ABCA10: variants seen among roughly 807,000 people sequenced by gnomAD.
ABCA10 encodes ATP binding cassette subfamily A member 10, also known as ATP-binding cassette sub-family A member 10.
In ABCA10, 169 loss-of-function variants were observed where a neutral mutation model predicts 187.5. The ratio of observed to expected loss-of-function variants is 0.90; its 90% CI spans 0.80 to 1.02. The LOEUF (loss-of-function observed/expected upper bound fraction) is 1.02. ABCA10 is among the 50% of genes least tolerant of loss of function. The pLI is 0.00. For missense variants in ABCA10, 1,727 were observed against 1,812.4 expected (o/e 0.95, Z 0.86); for synonymous variants, 574 against 601.8 (o/e 0.95, Z 0.68).
chr17:69,178,128 T>C (rs1188922984), intron 22 of ABCA10, among the ~76,000 whole-genome samples: 1 of 150,984 alleles, frequency 6.6e-6, no homozygotes, highest in Non-Finnish European at 1.5e-5. Context: ...CAGGAAGCAA[T>C]ATCAGGCAAG....
At chr17:69,150,111 T>C in intron 36 of ABCA10, 48 bp from the exon 37 acceptor site, 3 of 1,400,018 alleles carry the variant, frequency 2.1e-6, no homozygotes, top group South Asian at 1.2e-5. Flanking sequence ...AGTGTGATAA[T>C]ACGGGGGAGG....
chr17:69,217,772 T>C (rs2074717256), intron 6 of ABCA10, among the ~76,000 whole-genome samples: 1 of 152,190 alleles, frequency 6.6e-6, no homozygotes, highest in South Asian at 2.1e-4. Flanking sequence ...GATACTTGCA[T>C]TTGGCAATGG....
intron 23 of ABCA10, among the ~76,000 whole-genome samples, 179 bp downstream of exon 23, chr17:69,175,227 T>C (rs545251975): frequency 9.9e-5 from 15 of 152,276 alleles, no homozygotes; most frequent in Non-Finnish European, 2.1e-4. Flanking sequence ...TGCTAAATGG[T>C]AAACTTTCTG....
At chr17:69,221,081 G>A (rs1208970790) in intron 5 of ABCA10, among the ~76,000 whole-genome samples, 1 of 152,168 alleles carries the variant, frequency 6.6e-6, no homozygotes, top group African/African-American at 2.4e-5. Context: ...ATAGAACTTT[G>A]TGGAACTACA....
intron 10 of ABCA10, among the ~76,000 whole-genome samples, chr17:69,201,274 T>C (rs1195112524): frequency 3.3e-5 from 5 of 152,124 alleles, no homozygotes; most frequent in East Asian, 1.9e-4. Context: ...GATGATAATA[T>C]GGAAGACAGA....
intron 38 of ABCA10, 24 bp downstream of exon 38, chr17:69,149,009 C>T (rs2074108545): frequency 1.2e-6 from 2 of 1,613,666 alleles, no homozygotes; most frequent in Admixed American, 1.7e-5. Flanking sequence ...CTGGATGGTG[C>T]TCACTCGTTC....
intron 9 of ABCA10, among the ~76,000 whole-genome samples, chr17:69,211,350 TATATATATATAC>T (rs1342895096): frequency 1.3e-3 from 31 of 24,292 alleles, no homozygotes; most frequent in African/African-American, 2.6e-3. Context: ...TATATATATA[TATATATATATAC>T]ACACACACCA....
At position 69,149,014 on chromosome 17, in the gene ABCA10, T is replaced by A; in HGVS notation, c.4533+19A>T. ...CAGAGGTCATCTGGATGGTGCTCAC[T>A]CGTTCAATGAAAACCCACCTGCTCC... On this transcript the variant is annotated intron_variant, in intron 38 of 38. Transcript: ENST00000690296. 2.5e-6 allele frequency: 4 copies of A among 1,613,910 alleles called. No individual in the cohort carries two copies. The highest frequency in any genetic ancestry group is 3.4e-6 in the Non-Finnish European group (4 of 1,179,854).
At chr17:69,205,701 A>G (rs925252524) in intron 9 of ABCA10, among the ~76,000 whole-genome samples, 1 of 152,192 alleles carries the variant, frequency 6.6e-6, no homozygotes, top group African/African-American at 2.4e-5. Context: ...AAAATTATAG[A>G]TTATACAAAC....
chr17:69,230,964 C>T (rs2074828236), upstream of ABCA10, among the ~76,000 whole-genome samples: 1 of 152,082 alleles, frequency 6.6e-6, no homozygotes, highest in Non-Finnish European at 1.5e-5. Context: ...CTTAAGCTAC[C>T]TTATCTTATA....
intron 3 of ABCA10, chr17:69,223,537 A>G: frequency 3.1e-6 from 1 of 324,082 alleles, no homozygotes; most frequent in South Asian, 2.4e-5. Flanking sequence ...TTTATGTATT[A>G]TGTTCTAAAA....
chr17:69,209,478 A>G (rs1196500623), intron 9 of ABCA10, among the ~76,000 whole-genome samples: 1 of 152,226 alleles, frequency 6.6e-6, no homozygotes, highest in African/African-American at 2.4e-5. Flanking sequence ...TAAACTGTAA[A>G]CGATAGTACA....
chr17:69,169,524 T>C (rs2074280548), intron 25 of ABCA10, among the ~76,000 whole-genome samples: 1 of 152,108 alleles, frequency 6.6e-6, no homozygotes, highest in Admixed American at 6.5e-5. Context: ...TTCTAAAAAG[T>C]GCACGCAAAT....
At chr17:69,193,756 A>T in intron 13 of ABCA10, 58 bp downstream of exon 13, 1 of 1,581,932 alleles carries the variant, frequency 6.3e-7, no homozygotes, top group Non-Finnish European at 8.6e-7. Flanking sequence ...GAACAAAAAA[A>T]ATATATAGTC....
chr17:69,163,824 G>C (rs558188504), intron 27 of ABCA10, among the ~76,000 whole-genome samples: 6 of 151,998 alleles, frequency 3.9e-5, no homozygotes, highest in Non-Finnish European at 8.8e-5. Context: ...GCCTCAAATT[G>C]TCTTTGGATA....
intron 22 of ABCA10, among the ~76,000 whole-genome samples, chr17:69,180,911 A>G (rs575250002): frequency 9.2e-5 from 14 of 152,246 alleles, no homozygotes; most frequent in Non-Finnish European, 1.3e-4. Flanking sequence ...ATCTATCATA[A>G]TCAAACACAC....
At chr17:69,158,456 G>A (rs546611377) in intron 27 of ABCA10, among the ~76,000 whole-genome samples, 1 of 151,586 alleles carries the variant, frequency 6.6e-6, no homozygotes, top group East Asian at 1.9e-4. Context: ...AACGTGCAAT[G>A]GGAACAAAAT....
chr17:69,213,693 C>T (rs1378938867), intron 9 of ABCA10, among the ~76,000 whole-genome samples: 1 of 152,212 alleles, frequency 6.6e-6, no homozygotes, highest in Admixed American at 6.5e-5. Flanking sequence ...TGGCTGGGCC[C>T]TCCCCATCTG....
At chr17:69,182,645 A>G (rs749953962) in intron 21 of ABCA10, 30 bp downstream of exon 21, 52 of 1,543,578 alleles carry the variant, frequency 3.4e-5, no homozygotes, top group South Asian at 5.1e-5. Context: ...AAAAAAACCA[A>G]AAAAAAACAG....
Sources: allele counts gnomAD v4.1 joint callset (sites outside exome capture counted in the v4.1 genomes callset), GRCh38; gene constraint gnomAD v4.1.1; transcripts MANE v1.5; gene names NCBI Gene and HGNC (gene_info 2026-07-23, HGNC 2026-07-21).